The following CSMD2 variants were observed in gnomAD, a reference collection of about 807,000 sequenced individuals.
CSMD2 encodes CUB and sushi domain-containing protein 2.
In CSMD2, 130 loss-of-function variants were observed where a neutral mutation model predicts 398.5. The observed-to-expected ratio is 0.33, with a 90% confidence interval of 0.28 to 0.38. CSMD2 has a LOEUF of 0.38. Among genes scored for constraint, CSMD2 ranks in the 10% least tolerant of loss-of-function variants. The pLI is 1.00. For missense variants in CSMD2, 3,829 were observed against 4,764.9 expected, an observed-to-expected ratio of 0.80 and a Z score of 5.78; for synonymous variants, 1,828 against 1,908.5, an observed-to-expected ratio of 0.96 and a Z score of 1.10.
chr1:33,816,201 C>T (rs1008151369), intron 9 of CSMD2, among the ~76,000 whole-genome samples: 26 of 152,146 alleles, frequency 1.7e-4, no homozygotes, highest in African/African-American at 4.3e-4. Context: ...AAGGCATATA[C>T]ATATATATGA....
At chr1:33,932,531 T>C (rs558674180) in intron 4 of CSMD2, among the ~76,000 whole-genome samples, 7 of 152,152 alleles carry the variant, frequency 4.6e-5, no homozygotes, top group Admixed American at 2.6e-4. Context: ...TACTGTGTGG[T>C]GTGAATGCCA....
At chr1:33,828,066 G>C (rs960232892) in intron 6 of CSMD2, among the ~76,000 whole-genome samples, 2 of 152,148 alleles carry the variant, frequency 1.3e-5, no homozygotes, top group Non-Finnish European at 2.9e-5. Context: ...TTGTTCCCTG[G>C]CAGGCAAGTC....
chr1:33,579,029 T>A (rs1049385150), intron 48 of CSMD2, among the ~76,000 whole-genome samples: 2 of 152,226 alleles, frequency 1.3e-5, no homozygotes, highest in South Asian at 4.1e-4. Flanking sequence ...TACACTCATC[T>A]ACTCGATCTG....
rs775912886 is a variant in CSMD2 at position 33,540,692 on chromosome 1, A to T, written c.9464T>A (p.Met3155Lys). Residue 3155 changes from methionine (M) to lysine (K), a missense_variant, in exon 60 of 71, where the codon ATG (methionine) becomes AAG (lysine). Coordinates refer to ENST00000373381, the MANE Select transcript of CSMD2 (RefSeq NM_001281956.2). ...NGTKPVCKAL[M>K]CKPPPLIPNG... ...GGGGATGAGCGGAGGTGGCTTGCAC[A>T]TGAGAGCTGGAGGGAGACCAAAGCA... is the stretch of plus-strand genomic sequence containing the variant. The T allele has an allele frequency of 4.3e-6, 7 of 1,614,168 alleles. No individual in the cohort carries two copies. In the Admixed American group the frequency reaches 8.3e-5, roughly 19 times the overall value.
chr1:33,587,430 C>A (rs573087074), intron 44 of CSMD2, among the ~76,000 whole-genome samples: 8 of 152,236 alleles, frequency 5.3e-5, no homozygotes, highest in African/African-American at 1.9e-4. Flanking sequence ...GGGAGAGGAG[C>A]GTTTTCTGAG....
rs200437254 is a variant in CSMD2, at chr1:33,578,054, T to TG, written c.7388-571dup. Among the ~76,000 whole-genome samples the TG allele has an allele frequency of 5.0e-3, 762 of 152,244 alleles. 5 individuals carry two copies. The highest frequency in any genetic ancestry group is 0.016 in the African/African-American group (680 of 41,552). ...CGTACATAAAGCCCCCAGCACAGCA[T>TG]GGGGCACTCACTGTTCAATGCTCAG... On this transcript the variant is annotated intron_variant, in intron 48 of 70. Transcript: ENST00000373381.
chr1:33,581,429 C>T (rs77371339), intron 47 of CSMD2, among the ~76,000 whole-genome samples: 103 of 136,706 alleles, frequency 7.5e-4, no homozygotes, highest in African/African-American at 2.8e-3. Context: ...GTCCCAGCTA[C>T]TGGGGAGGCT....
intron 1 of CSMD2, among the ~76,000 whole-genome samples, chr1:34,089,548 CT>C (rs1357466166): frequency 6.6e-6 from 1 of 152,176 alleles, no homozygotes; most frequent in Non-Finnish European, 1.5e-5. Context: ...AATTTCAAAC[CT>C]TCTCCATTGT....
chr1:34,007,087 G>C (rs1420208939), intron 3 of CSMD2, among the ~76,000 whole-genome samples: 5 of 151,974 alleles, frequency 3.3e-5, no homozygotes, highest in African/African-American at 4.8e-5. Context: ...ACCTAAAAAA[G>C]GACCTTTATT....
intron 25 of CSMD2, among the ~76,000 whole-genome samples, chr1:33,674,233 C>T (rs1331094772): frequency 2.0e-5 from 3 of 152,078 alleles, no homozygotes; most frequent in African/African-American, 7.2e-5. Context: ...CAGAGACACA[C>T]ATAAGCTCAA....
chr1:34,133,781 C>T (rs1250776931), intron 1 of CSMD2, among the ~76,000 whole-genome samples: 2 of 151,770 alleles, frequency 1.3e-5, no homozygotes, highest in African/African-American at 4.8e-5. Context: ...GAATATAAAA[C>T]TCGGGCAGGC....
intron 44 of CSMD2, among the ~76,000 whole-genome samples, chr1:33,595,998 A>G (rs962036843): frequency 6.6e-6 from 1 of 152,322 alleles, no homozygotes; most frequent in Non-Finnish European, 1.5e-5. Flanking sequence ...ATTGAAAACC[A>G]TAAGCTCACA....
chr1:33,690,405 G>A (rs1645196984), intron 25 of CSMD2, among the ~76,000 whole-genome samples: 1 of 152,136 alleles, frequency 6.6e-6, no homozygotes, highest in Non-Finnish European at 1.5e-5. Context: ...CTCCTGTCCT[G>A]CTTTTTCATT....
intron 1 of CSMD2, among the ~76,000 whole-genome samples, chr1:34,148,842 C>A (rs1640024384): frequency 6.6e-6 from 1 of 152,168 alleles, no homozygotes; most frequent in African/African-American, 2.4e-5. Context: ...CTCACAGGCA[C>A]AGGAATTGAC....
intron 5 of CSMD2, among the ~76,000 whole-genome samples, chr1:33,898,031 C>T (rs530780061): frequency 6.6e-6 from 1 of 152,228 alleles, no homozygotes; most frequent in South Asian, 2.1e-4. Flanking sequence ...TTATCCTGAT[C>T]CTTGGAGTTA....
chr1:33,581,662 A>G (rs186178148), intron 47 of CSMD2, among the ~76,000 whole-genome samples: 2 of 152,308 alleles, frequency 1.3e-5, no homozygotes, highest in African/African-American at 4.8e-5. Context: ...CATAAGTAAC[A>G]GAGCTCCCTA....
chr1:33,624,978 G>T lies in CSMD2; in HGVS notation c.5500+73C>A. 6.8e-7 allele frequency: 1 copy of T among 1,468,014 alleles called. No homozygotes were observed. Among genetic ancestry groups the T allele is most frequent in the South Asian group, 1.2e-5 (1 of 86,558 alleles). The allele number at this position is 1,468,014 out of a possible 1,614,324, so 90.9% of individuals were successfully genotyped here. A position where few individuals can be genotyped will look rare whatever the true frequency, so the allele number is the denominator to read the frequency against. On this transcript the variant is annotated intron_variant, in intron 34 of 70. Coordinates refer to ENST00000373381, the MANE Select transcript of CSMD2 (RefSeq NM_001281956.2). This position sits in a 1 kb window ranked among gnomAD's most constrained non-coding sequence, Gnocchi z 4.7. ...TGTGTCGTGGGGCATCACTGGGGCTGACTGCCTCCCCTACAGAGAAAGGAC... is the reference window on the plus strand; with the variant it reads ...TGTGTCGTGGGGCATCACTGGGGCTTACTGCCTCCCCTACAGAGAAAGGAC...
At chr1:33,806,003 G>T (rs762350611) in intron 10 of CSMD2, among the ~76,000 whole-genome samples, 26 of 152,026 alleles carry the variant, frequency 1.7e-4, no homozygotes, top group African/African-American at 3.4e-4. Context: ...AGACGGCTTT[G>T]GTCTTGAGTA....
chr1:33,524,156 GA>G (rs1223656558), intron 66 of CSMD2, among the ~76,000 whole-genome samples: 6 of 151,956 alleles, frequency 3.9e-5, no homozygotes, highest in Non-Finnish European at 7.4e-5. Context: ...ACATTATAAT[GA>G]ATGCATTTCC....
Sources: gnomAD v4.1 joint callset for allele counts (sites outside exome capture counted in the v4.1 genomes callset) on GRCh38, gnomAD v4.1.1 for gene constraint, Gnocchi (gnomAD v3.1) non-coding constraint, MANE v1.5 for transcripts, NCBI Gene and HGNC (gene_info 2026-07-23, HGNC 2026-07-21) for gene names.